The following DOCK2 variants were observed in gnomAD, a reference collection of about 807,000 sequenced individuals.
The protein encoded by DOCK2 is dedicator of cytokinesis 2, also known as dedicator of cytokinesis protein 2.
A neutral mutation model predicts 248.9 loss-of-function variants in DOCK2; 87 were observed. That is an observed-to-expected ratio of 0.35 (90% CI 0.29 to 0.42). The LOEUF is 0.42. Ranked by LOEUF, DOCK2 falls within the 10% of genes least tolerant of loss-of-function variation. The pLI, the probability that DOCK2 is intolerant of heterozygous loss-of-function variation, is 1.00. For synonymous variants in DOCK2, 805 were observed against 821.6 expected (o/e 0.98, Z 0.35); for missense variants, 1,747 against 2,300.2 (o/e 0.76, Z 4.92).
intron 27 of DOCK2, among the ~76,000 whole-genome samples, chr5:169,981,309 C>A (rs1158453394): frequency 6.6e-6 from 1 of 152,144 alleles, no homozygotes; most frequent in Non-Finnish European, 1.5e-5. Context: ...AAATTGTAAA[C>A]CTGGGAGGAA....
At chr5:169,881,545 G>A (rs147762814) in intron 27 of DOCK2, 241 of 856,770 alleles carry the variant, frequency 2.8e-4, no homozygotes, top group East Asian at 7.5e-4. Flanking sequence ...CAGCATTCAC[G>A]GTGCTCTGAA....
chr5:169,799,018 A>T (rs1766815824), intron 25 of DOCK2, among the ~76,000 whole-genome samples: 1 of 152,200 alleles, frequency 6.6e-6, no homozygotes. Context: ...AGAGTTTATC[A>T]AATCTTTAGC....
chr5:169,733,456 A>G (rs1762884975), intron 22 of DOCK2, among the ~76,000 whole-genome samples: 1 of 151,848 alleles, frequency 6.6e-6, no homozygotes, highest in South Asian at 2.1e-4. Flanking sequence ...TGTTTTTACC[A>G]ATAAAAGTTC....
At chr5:169,811,489 C>A (rs1007776305) in intron 26 of DOCK2, among the ~76,000 whole-genome samples, 2 of 152,160 alleles carry the variant, frequency 1.3e-5, no homozygotes, top group African/African-American at 4.8e-5. Context: ...GCTAATTAAG[C>A]CCCAAACCTG....
chr5:169,910,314 C>T (rs949065271), intron 27 of DOCK2, among the ~76,000 whole-genome samples: 6 of 152,196 alleles, frequency 3.9e-5, no homozygotes, highest in Non-Finnish European at 8.8e-5. Context: ...TAAGGAAGAT[C>T]TCTTTTGAGC....
chr5:169,709,940 A>G (rs1332100945), intron 15 of DOCK2, among the ~76,000 whole-genome samples: 1 of 152,332 alleles, frequency 6.6e-6, no homozygotes, highest in East Asian at 1.9e-4. Flanking sequence ...TCCTAGTGTC[A>G]TATCCTGGGG....
intron 9 of DOCK2, among the ~76,000 whole-genome samples, chr5:169,689,976 A>G (rs1390114207): frequency 6.6e-6 from 1 of 152,164 alleles, no homozygotes; most frequent in African/African-American, 2.4e-5. Context: ...AAGGGAAAGA[A>G]GGAGATAAGT....
At chr5:169,766,307 G>A (rs1764787427) in intron 25 of DOCK2, among the ~76,000 whole-genome samples, 1 of 152,114 alleles carries the variant, frequency 6.6e-6, no homozygotes, top group African/African-American at 2.4e-5. Flanking sequence ...TCACTTATAA[G>A]TGAGAACATG....
At position 170,045,827 on chromosome 5, in the gene DOCK2, G is replaced by A. The variant is rs140468355; in HGVS notation, c.3888G>A (p.Glu1296=). The change falls in exon 39 of 52, where the codon GAG becomes GAA. Residue 1296 remains glutamate (E), a synonymous_variant. Coordinates refer to ENST00000520908, the MANE Select transcript of DOCK2 (RefSeq NM_004946.3). ...TGACCTTCCTGTAGATGTGGGAAGAGGCCATAAGTCTGTGCAAGGAGCTGG... is the reference window on the plus strand; with the variant it reads ...TGACCTTCCTGTAGATGTGGGAAGAAGCCATAAGTCTGTGCAAGGAGCTGG... ...GYFDKGKMWE[E]AISLCKELAE... The A allele has an allele frequency of 1.7e-5, 28 of 1,614,128 alleles. No homozygotes were observed. The African/African-American group carries it at 3.2e-4, about 18-fold the overall frequency.
intron 27 of DOCK2, among the ~76,000 whole-genome samples, chr5:169,869,854 C>G (rs1032250295): frequency 2.6e-5 from 4 of 152,204 alleles, no homozygotes; most frequent in Non-Finnish European, 4.4e-5. Context: ...ACTCTCTGTA[C>G]CCTCCCATCC....
At chr5:169,757,025 G>A (rs898073053) in intron 23 of DOCK2, among the ~76,000 whole-genome samples, 6 of 152,040 alleles carry the variant, frequency 3.9e-5, no homozygotes, top group Non-Finnish European at 8.8e-5. Flanking sequence ...TAAATTAGTA[G>A]CCTCTGGGAG....
intron 27 of DOCK2, among the ~76,000 whole-genome samples, chr5:169,943,810 C>T (rs1465810003): frequency 6.6e-6 from 1 of 152,162 alleles, no homozygotes; most frequent in Admixed American, 6.5e-5. Context: ...TTTAGCCAGC[C>T]CCCAAGGTGA....
chr5:170,037,638 C>T (rs984017184), intron 36 of DOCK2, among the ~76,000 whole-genome samples: 4 of 152,004 alleles, frequency 2.6e-5, no homozygotes, highest in African/African-American at 4.8e-5. Flanking sequence ...AGGCCTGCAC[C>T]ACCACACCTG....
At chr5:170,074,436 AAG>A (rs1429505186) in intron 46 of DOCK2, among the ~76,000 whole-genome samples, 1 of 151,666 alleles carries the variant, frequency 6.6e-6, no homozygotes, top group African/African-American at 2.4e-5. Flanking sequence ...ATCTGAGTAC[AAG>A]AGAGAGGGCC....
chr5:169,871,360 C>T (rs1238379460), intron 27 of DOCK2, among the ~76,000 whole-genome samples: 2 of 152,112 alleles, frequency 1.3e-5, no homozygotes, highest in Non-Finnish European at 2.9e-5. Context: ...GATTAGGATA[C>T]ATGGTAATTT....
chr5:169,780,544 A>T (rs1470839491), intron 25 of DOCK2, among the ~76,000 whole-genome samples: 1 of 152,140 alleles, frequency 6.6e-6, no homozygotes, highest in Non-Finnish European at 1.5e-5. Context: ...TGTATTCGGG[A>T]TCTCAGGGGC....
rs545684893 is a variant in DOCK2, at chr5:169,732,408, A to G, written c.2267+13617A>G. 8.5e-5 allele frequency among the ~76,000 whole-genome samples: 13 copies of G among 152,274 alleles called. No individual in the cohort carries two copies. The South Asian group carries it at 2.5e-3, about 29-fold the overall frequency. ...TGCATCCACGCCCGTTGCTTCAGTTATCATTTCTATGCAGGTAACACAGAA... is the reference window on the plus strand; with the variant it reads ...TGCATCCACGCCCGTTGCTTCAGTTGTCATTTCTATGCAGGTAACACAGAA... On this transcript the variant is annotated intron_variant, in intron 22 of 51. Coordinates refer to ENST00000520908, the MANE Select transcript of DOCK2 (RefSeq NM_004946.3).
chr5:169,654,614 C>T lies in DOCK2; in HGVS notation c.127+128C>T, dbSNP rs1003950966. ...TCTATTTAAAAACGTTTTGGTAACG[C>T]TAGTAATTAGAATTTACTAAACAGA... is the stretch of plus-strand genomic sequence containing the variant. On this transcript the variant is annotated intron_variant, in intron 2 of 51. Transcript: ENST00000520908. 9.2e-5 allele frequency: 78 copies of T among 846,036 alleles called. 1 individual carries two copies. Among genetic ancestry groups the T allele is most frequent in the Non-Finnish European group, 4.4e-5 (24 of 549,192 alleles). The allele number at this position is 846,036 out of a possible 1,614,324, so 52.4% of individuals were successfully genotyped here.
At chr5:169,708,301 A>G (rs1458646225) in intron 15 of DOCK2, 34 bp downstream of exon 15, 1 of 1,585,950 alleles carries the variant, frequency 6.3e-7, no homozygotes, top group African/African-American at 1.3e-5. Flanking sequence ...ACACATGTCT[A>G]GTTCTTACCA....
Sources: gnomAD v4.1 joint callset for allele counts (sites outside exome capture counted in the v4.1 genomes callset) on GRCh38, gnomAD v4.1.1 for gene constraint, MANE v1.5 for transcripts, NCBI Gene and HGNC (gene_info 2026-07-23, HGNC 2026-07-21) for gene names.